UBE2E2: variants seen among roughly 807,000 people sequenced by gnomAD.
UBE2E2 encodes ubiquitin conjugating enzyme E2 E2, also known as ubiquitin-conjugating enzyme E2 E2.
UBE2E2 carries 6 observed loss-of-function variants against 24.7 expected under a neutral mutation model. That is an observed-to-expected ratio of 0.24 (90% CI 0.13 to 0.48). The LOEUF is 0.48. Among genes scored for constraint, UBE2E2 ranks in the 20% least tolerant of loss-of-function variants. The pLI, the probability that UBE2E2 is intolerant of heterozygous loss-of-function variation, is 0.99. For synonymous variants in UBE2E2, 104 were observed against 83.6 expected, an observed-to-expected ratio of 1.24 and a Z score of -1.33; for missense variants, 169 against 245.0, an observed-to-expected ratio of 0.69 and a Z score of 2.07.
intron 3 of UBE2E2, among the ~76,000 whole-genome samples, chr3:23,331,863 C>A (rs1575565766): frequency 1.3e-5 from 2 of 152,256 alleles, no homozygotes; most frequent in East Asian, 3.9e-4. Context: ...TCTAAAGGAA[C>A]ATTTGGTCAT....
At chr3:23,585,032 T>C (rs1696585996) in intron 5 of UBE2E2, among the ~76,000 whole-genome samples, 2 of 152,176 alleles carry the variant, frequency 1.3e-5, no homozygotes, top group Non-Finnish European at 2.9e-5. Context: ...CTTGCAGTCT[T>C]ACGCTTTCAT....
At chr3:23,553,039 T>C (rs1695679607) in intron 5 of UBE2E2, among the ~76,000 whole-genome samples, 1 of 152,198 alleles carries the variant, frequency 6.6e-6, no homozygotes, top group Non-Finnish European at 1.5e-5. Context: ...CTTGATTATA[T>C]CCACCCTGGA....
At chr3:23,506,838 G>A (rs1010937116) in intron 4 of UBE2E2, among the ~76,000 whole-genome samples, 1 of 152,074 alleles carries the variant, frequency 6.6e-6, no homozygotes, top group African/African-American at 2.4e-5. Flanking sequence ...TCGCCATGTT[G>A]CCCAGGCTGA....
chr3:23,369,801 A>G (rs2125339174), intron 3 of UBE2E2, among the ~76,000 whole-genome samples: 1 of 152,300 alleles, frequency 6.6e-6, no homozygotes, highest in Non-Finnish European at 1.5e-5. Context: ...TGATGTTTTT[A>G]TATACCCTGA....
intron 5 of UBE2E2, among the ~76,000 whole-genome samples, chr3:23,564,518 C>T (rs771327757): frequency 6.6e-6 from 1 of 152,140 alleles, no homozygotes; most frequent in Non-Finnish European, 1.5e-5. Flanking sequence ...CATTAGGGAA[C>T]CTGTGACTGT....
rs565587035 is a variant in UBE2E2 at position 23,345,661 on chromosome 3, T to C, written c.227+128349T>C. ...ACTGATATTGAGTAAATTAAAGTTA[T>C]AGACATTAAATTACAGACAATAAAA... is the stretch of plus-strand genomic sequence containing the variant. On this transcript the variant is annotated intron_variant, in intron 3 of 5. Transcript: ENST00000396703. Among the ~76,000 whole-genome samples, 9 of 152,340 alleles carry C rather than the reference T, an allele frequency of 5.9e-5. No homozygotes were observed. In the South Asian group the frequency reaches 1.9e-3, roughly 32 times the overall value.
chr3:23,458,429 T>TGGTGGTG (rs1390149541), intron 3 of UBE2E2, among the ~76,000 whole-genome samples: 21 of 73,188 alleles, frequency 2.9e-4, no homozygotes, highest in Middle Eastern at 0.01. Flanking sequence ...TGGTGGTGGT[T>TGGTGGTG]GTTGTTGTTT....
chr3:23,370,212 G>T (rs1159528682), intron 3 of UBE2E2, among the ~76,000 whole-genome samples: 4 of 151,514 alleles, frequency 2.6e-5, no homozygotes, highest in Non-Finnish European at 5.9e-5. Context: ...TTAAACTTTT[G>T]GTCTTTGTCA....
chr3:23,534,329 GT>G (rs199720039), intron 5 of UBE2E2: 12,516 of 614,384 alleles, frequency 0.02, no homozygotes, highest in Middle Eastern at 0.025. Flanking sequence ...CAGTGAACTA[GT>G]TTTTTTTTTT....
At chr3:23,578,960 G>A (rs1299803184) in intron 5 of UBE2E2, among the ~76,000 whole-genome samples, 1 of 152,060 alleles carries the variant, frequency 6.6e-6, no homozygotes, top group Non-Finnish European at 1.5e-5. Flanking sequence ...TACTACTACT[G>A]GTTGATAATA....
chr3:23,327,951 G>A (rs1396457457), intron 3 of UBE2E2, among the ~76,000 whole-genome samples: 2 of 152,014 alleles, frequency 1.3e-5, no homozygotes, highest in Admixed American at 6.6e-5. Context: ...TAATTATGTA[G>A]TATTTGCAAT....
intron 3 of UBE2E2, among the ~76,000 whole-genome samples, chr3:23,467,105 A>G (rs993256589): frequency 2.0e-5 from 3 of 152,206 alleles, no homozygotes; most frequent in African/African-American, 7.2e-5. Flanking sequence ...TAAAGTTGGC[A>G]ACAAGGAATA....
At chr3:23,424,106 T>C (rs1302636965) in intron 3 of UBE2E2, among the ~76,000 whole-genome samples, 1 of 152,252 alleles carries the variant, frequency 6.6e-6, no homozygotes, top group East Asian at 1.9e-4. Flanking sequence ...TAATGTTTGA[T>C]AATCTTACTA....
chr3:23,267,081 A>G (rs1378455728), intron 3 of UBE2E2, among the ~76,000 whole-genome samples: 1 of 152,068 alleles, frequency 6.6e-6, no homozygotes, highest in Non-Finnish European at 1.5e-5. Flanking sequence ...TTATAGCACT[A>G]AATGCCCACA....
At chr3:23,349,099 G>A (rs1363606370) in intron 3 of UBE2E2, among the ~76,000 whole-genome samples, 2 of 152,138 alleles carry the variant, frequency 1.3e-5, no homozygotes, top group African/African-American at 4.8e-5. Context: ...GATTTCTTGT[G>A]AACAGAGAGA....
chr3:23,291,492 G>A (rs1698763754), intron 3 of UBE2E2, among the ~76,000 whole-genome samples: 1 of 152,100 alleles, frequency 6.6e-6, no homozygotes, highest in African/African-American at 2.4e-5. Context: ...TTGTTACTCA[G>A]TAGGTTTAAT....
chr3:23,569,716 A>G (rs555710948), intron 5 of UBE2E2, among the ~76,000 whole-genome samples: 4 of 152,332 alleles, frequency 2.6e-5, no homozygotes, highest in Non-Finnish European at 2.9e-5. Flanking sequence ...CTCAGTAGGA[A>G]TACACCATCT....
At chr3:23,494,726 A>T (rs948074760) in intron 3 of UBE2E2, among the ~76,000 whole-genome samples, 1 of 151,884 alleles carries the variant, frequency 6.6e-6, no homozygotes, top group East Asian at 1.9e-4. Flanking sequence ...TTAGTTTTAT[A>T]TGCTTTTTTC....
intron 5 of UBE2E2, among the ~76,000 whole-genome samples, chr3:23,534,838 A>G (rs921673878): frequency 5.3e-5 from 8 of 152,224 alleles, no homozygotes; most frequent in Non-Finnish European, 1.0e-4. Flanking sequence ...ATTTTCCTAC[A>G]CTGAATCTGT....
Sources: gnomAD v4.1 joint callset for allele counts (sites outside exome capture counted in the v4.1 genomes callset) on GRCh38, gnomAD v4.1.1 for gene constraint, MANE v1.5 for transcripts, NCBI Gene and HGNC (gene_info 2026-07-23, HGNC 2026-07-21) for gene names.